The following ATRNL1 variants were observed in gnomAD, a reference collection of about 807,000 sequenced individuals.
ATRNL1 encodes the protein attractin-like protein 1.
Under a neutral mutation model 182.7 loss-of-function variants are expected in ATRNL1, and 95 were observed. The ratio of observed to expected loss-of-function variants is 0.52; its 90% confidence interval spans 0.44 to 0.62. ATRNL1 has a LOEUF of 0.62. Ranked by LOEUF, ATRNL1 falls within the 20% of genes least tolerant of loss-of-function variation. ATRNL1 has a pLI of 0.00. For synonymous variants in ATRNL1, 576 were observed against 568.3 expected (o/e 1.01, Z -0.19); for missense variants, 1,471 against 1,679.5 (o/e 0.88, Z 2.17).
intron 8 of ATRNL1, among the ~76,000 whole-genome samples, chr10:115,208,354 T>A (rs1335039990): frequency 1.3e-5 from 2 of 152,126 alleles, no homozygotes; most frequent in African/African-American, 4.8e-5. Flanking sequence ...TGAATTATAT[T>A]TCCTTTGCCT....
At chr10:115,882,108 C>T (rs1407040668) in intron 28 of ATRNL1, among the ~76,000 whole-genome samples, 3 of 152,204 alleles carry the variant, frequency 2.0e-5, no homozygotes, top group African/African-American at 2.4e-5. Flanking sequence ...GAGACCAACA[C>T]GTCCAGGCCC....
At chr10:115,112,472 C>G (rs1844300234) in intron 1 of ATRNL1, among the ~76,000 whole-genome samples, 2 of 152,086 alleles carry the variant, frequency 1.3e-5, no homozygotes, top group Non-Finnish European at 2.9e-5. Flanking sequence ...ATTGTTATAA[C>G]AAGTCTGAAT....
intron 10 of ATRNL1, 74 bp downstream of exon 10, chr10:115,241,799 A>G: frequency 1.6e-6 from 2 of 1,260,548 alleles, no homozygotes; most frequent in Non-Finnish European, 2.2e-6. Context: ...AAATACATTA[A>G]TTGATAGCAT....
At chr10:115,494,578 T>C (rs1849453960) in intron 24 of ATRNL1, among the ~76,000 whole-genome samples, 1 of 152,240 alleles carries the variant, frequency 6.6e-6, no homozygotes, top group Admixed American at 6.5e-5. Context: ...GAAAGCTTTT[T>C]CTTCATATAT....
chr10:115,257,747 G>A lies in ATRNL1; in HGVS notation c.1688-7446G>A, dbSNP rs780317179. ...GCATGTTTTTGCAATGGCTAGTCCC[G>A]TTTGTTTCTTTCCATGTTTAGTGCT... On this transcript the variant is annotated intron_variant, in intron 10 of 28. Transcript: ENST00000355044. Among the ~76,000 whole-genome samples, 5 of 152,146 alleles carry A rather than the reference G, an allele frequency of 3.3e-5. No individual in the cohort carries two copies. In the South Asian group the frequency reaches 6.2e-4, roughly 19 times the overall value.
intron 6 of ATRNL1, 113 bp from the exon 7 acceptor site, chr10:115,165,445 A>C (rs1564790277): frequency 6.2e-6 from 3 of 484,972 alleles, no homozygotes; most frequent in Non-Finnish European, 1.1e-5. Flanking sequence ...ATTAGTTGTA[A>C]CTCTTTTTGA....
At chr10:115,799,703 T>G (rs1555083872) in intron 27 of ATRNL1, among the ~76,000 whole-genome samples, 1 of 152,204 alleles carries the variant, frequency 6.6e-6, no homozygotes, top group Non-Finnish European at 1.5e-5. Context: ...GATGTCCAGT[T>G]GCACAGGCTC....
In ATRNL1 at chr10:115,799,427, GA is replaced by G. The variant is rs546590223; in HGVS notation, c.3904-48445del. ...CTCCCTCATGGGGATGCTGGACAGG[GA>G]AAAATCAGACAATCCTATTTCAGGA... is the stretch of plus-strand genomic sequence containing the variant. On this transcript the variant is annotated intron_variant, in intron 27 of 28. Coordinates refer to ENST00000355044, the MANE Select transcript of ATRNL1 (RefSeq NM_207303.4). 3.3e-5 allele frequency among the ~76,000 whole-genome samples: 5 copies of G among 152,288 alleles called. No homozygotes were observed. The East Asian group carries it at 9.7e-4, about 30-fold the overall frequency.
intron 20 of ATRNL1, among the ~76,000 whole-genome samples, chr10:115,417,090 C>T (rs1019015178): frequency 6.6e-6 from 1 of 152,194 alleles, no homozygotes; most frequent in Non-Finnish European, 1.5e-5. Context: ...GACTGGCACC[C>T]AGGTAATAGA....
At chr10:115,826,019 C>T (rs1320176360) in intron 27 of ATRNL1, among the ~76,000 whole-genome samples, 3 of 152,066 alleles carry the variant, frequency 2.0e-5, no homozygotes, top group African/African-American at 7.2e-5. Flanking sequence ...ATTAATTAAG[C>T]TTTTGGTCAT....
At chr10:115,852,456 A>G (rs73381647) in intron 28 of ATRNL1, among the ~76,000 whole-genome samples, 11,623 of 152,240 alleles carry the variant, frequency 0.076, 1,419 homozygotes, top group African/African-American at 0.26. Flanking sequence ...GAGGAAAGGG[A>G]AAGAGGACCA....
intron 19 of ATRNL1, among the ~76,000 whole-genome samples, chr10:115,349,485 T>C (rs552376283): frequency 2.6e-5 from 4 of 152,322 alleles, no homozygotes; most frequent in African/African-American, 9.6e-5. Context: ...AGTAGTAGAA[T>C]TTCTGGATCA....
intron 27 of ATRNL1, among the ~76,000 whole-genome samples, chr10:115,752,392 T>C (rs1948472352): frequency 6.6e-6 from 1 of 152,082 alleles, no homozygotes; most frequent in African/African-American, 2.4e-5. Context: ...GCCCCTATTA[T>C]GAGCAAACTC....
intron 5 of ATRNL1, among the ~76,000 whole-genome samples, chr10:115,130,131 C>T (rs1190699276): frequency 6.6e-6 from 1 of 151,976 alleles, no homozygotes; most frequent in African/African-American, 2.4e-5. Context: ...GCTTATTTAT[C>T]TGTATATAAA....
chr10:115,703,755 G>GA (rs1946812204), intron 26 of ATRNL1, among the ~76,000 whole-genome samples: 1 of 151,556 alleles, frequency 6.6e-6, no homozygotes. Context: ...ATGAAAGAAA[G>GA]AAAACCAGAA....
At chr10:115,517,560 T>A (rs1460311250) in intron 24 of ATRNL1, among the ~76,000 whole-genome samples, 4 of 151,868 alleles carry the variant, frequency 2.6e-5, no homozygotes, top group Non-Finnish European at 5.9e-5. Context: ...GTTTATTATT[T>A]TATTTGTTAT....
At chr10:115,611,723 T>A (rs1857167847) in intron 26 of ATRNL1, among the ~76,000 whole-genome samples, 1 of 152,152 alleles carries the variant, frequency 6.6e-6, no homozygotes, top group African/African-American at 2.4e-5. Flanking sequence ...ATGATTAATA[T>A]TCTTTGAAAC....
intron 8 of ATRNL1, among the ~76,000 whole-genome samples, chr10:115,214,776 T>TC (rs1412221171): frequency 6.6e-6 from 1 of 152,152 alleles, no homozygotes; most frequent in Non-Finnish European, 1.5e-5. Flanking sequence ...CTTAAAAGCA[T>TC]CCCTTGCATA....
At chr10:115,576,431 C>T (rs1364435853) in intron 26 of ATRNL1, among the ~76,000 whole-genome samples, 1 of 151,988 alleles carries the variant, frequency 6.6e-6, no homozygotes, top group African/African-American at 2.4e-5. Context: ...GCCATCATAA[C>T]ATGTGTCAGG....
Sources: gnomAD v4.1 joint callset for allele counts (sites outside exome capture counted in the v4.1 genomes callset) on GRCh38, gnomAD v4.1.1 for gene constraint, MANE v1.5 for transcripts, NCBI Gene and HGNC (gene_info 2026-07-23, HGNC 2026-07-21) for gene names.